DRC9: variants seen among roughly 807,000 people sequenced by gnomAD.
DRC9 encodes dynein regulatory complex protein 9.
the DRC9 span, among the ~76,000 whole-genome samples, chr3:197,940,461 C>A: frequency 6.6e-6 from 1 of 152,054 alleles, no homozygotes; most frequent in African/African-American, 2.4e-5. Flanking sequence ...TCTGGCAGAA[C>A]CACGTATATT....
the DRC9 span, among the ~76,000 whole-genome samples, chr3:197,896,444 A>C: frequency 1.3e-5 from 2 of 152,234 alleles, no homozygotes; most frequent in Non-Finnish European, 2.9e-5. Context: ...AACAACAAAA[A>C]TTCTATCAAT....
chr3:197,891,449 T>C, the DRC9 span: 1 of 1,551,596 alleles, frequency 6.4e-7, no homozygotes, highest in Non-Finnish European at 8.9e-7. Context: ...TCTTTACCTT[T>C]ATAACGCTCT....
chr3:197,947,767 T>C, the DRC9 span, among the ~76,000 whole-genome samples: 801 of 152,242 alleles, frequency 5.3e-3, 2 homozygotes, highest in African/African-American at 0.019. Context: ...TCCCTGCTCC[T>C]TCTCTGCCAG....
the DRC9 span, among the ~76,000 whole-genome samples, chr3:197,908,702 T>C: frequency 4.1e-5 from 6 of 144,994 alleles, no homozygotes; most frequent in African/African-American, 1.3e-4. Context: ...ACAGGGGTGG[T>C]GACTGTACCA....
chr3:197,941,228 T>C, the DRC9 span, among the ~76,000 whole-genome samples: 1 of 127,608 alleles, frequency 7.8e-6, no homozygotes, highest in Non-Finnish European at 1.7e-5. Flanking sequence ...CTCCCTCCCT[T>C]CCCTTCCCTC....
chr3:197,938,572 G>A, the DRC9 span: 1 of 1,612,964 alleles, frequency 6.2e-7, no homozygotes, highest in Non-Finnish European at 8.5e-7. Context: ...TTTCTTCAGT[G>A]TCTCCGTAGT....
chr3:197,894,616 A>G, the DRC9 span: 1 of 152,224 alleles, frequency 6.6e-6, no homozygotes, highest in Non-Finnish European at 1.5e-5. Context: ...ATATTTGTGT[A>G]CTTTCTAGAA....
chr3:197,939,116 G>T, the DRC9 span: 1 of 229,406 alleles, frequency 4.4e-6, no homozygotes, highest in South Asian at 6.9e-5. Context: ...CGGGGGGACA[G>T]TGTCTTAGAG....
At chr3:197,932,701 G>A in the DRC9 span, among the ~76,000 whole-genome samples, 2 of 148,532 alleles carry the variant, frequency 1.3e-5, no homozygotes, top group Non-Finnish European at 3.0e-5. Context: ...AGTGGCATGT[G>A]CCCTAATTCC....
At chr3:197,912,740 T>C in the DRC9 span, 5 of 1,613,682 alleles carry the variant, frequency 3.1e-6, no homozygotes, top group Non-Finnish European at 3.4e-6. Context: ...TCGGTTTTCA[T>C]CCTGAGTTTC....
At chr3:197,906,112 T>C in the DRC9 span, among the ~76,000 whole-genome samples, 152 of 152,164 alleles carry the variant, frequency 1.0e-3, 1 homozygote, top group African/African-American at 3.4e-3. Context: ...ATGCTTGCTG[T>C]GAACGTTTTT....
the DRC9 span, chr3:197,958,888 A>G: frequency 1.3e-5 from 2 of 152,248 alleles, no homozygotes; most frequent in South Asian, 4.1e-4. Flanking sequence ...GTGGCTGGTA[A>G]CTTGTCCACT....
chr3:197,950,472 G>C, the DRC9 span: 1 of 463,600 alleles, frequency 2.2e-6, no homozygotes, highest in Admixed American at 4.6e-5. Context: ...CGATGTTTTT[G>C]TTCGTGTGCA....
At chr3:197,959,982 A>C in the DRC9 span, 1 of 553,472 alleles carries the variant, frequency 1.8e-6, no homozygotes, top group South Asian at 2.5e-5. Flanking sequence ...ACATACGGCC[A>C]ACGCCCGCTA....
At chr3:197,912,605 CT>C in the DRC9 span, 1 of 1,067,846 alleles carries the variant, frequency 9.4e-7, no homozygotes, top group East Asian at 2.4e-5. Context: ...TCAAAATATT[CT>C]TTTTGTTTCC....
chr3:197,900,635 G>A, the DRC9 span, among the ~76,000 whole-genome samples: 6 of 150,882 alleles, frequency 4.0e-5, no homozygotes, highest in Admixed American at 2.0e-4. The surrounding 1 kb of genome is among the most constrained non-coding windows in gnomAD (Gnocchi z 4.7). Flanking sequence ...CTCAGCCACA[G>A]TAGAATAGGG....
the DRC9 span, chr3:197,943,727 G>C: frequency 6.8e-7 from 1 of 1,469,994 alleles, no homozygotes; most frequent in South Asian, 1.2e-5. Flanking sequence ...CTATAAATGA[G>C]GGAGAAATAA....
At chr3:197,906,211 T>C in the DRC9 span, among the ~76,000 whole-genome samples, 2 of 152,024 alleles carry the variant, frequency 1.3e-5, no homozygotes, top group African/African-American at 4.8e-5. Context: ...GTCACCAGAG[T>C]GCGGCTGCCA....
At chr3:197,943,793 T>C in the DRC9 span, 1 of 1,614,100 alleles carries the variant, frequency 6.2e-7, no homozygotes, top group Non-Finnish European at 8.5e-7. Flanking sequence ...AGATGCTCTG[T>C]CTCCCTTCGT....
Sources: allele counts gnomAD v4.1 joint callset (sites outside exome capture counted in the v4.1 genomes callset), GRCh38; gene constraint gnomAD v4.1.1; non-coding constraint Gnocchi (gnomAD v3.1); transcripts MANE v1.5; gene names NCBI Gene and HGNC (gene_info 2026-07-23, HGNC 2026-07-21).